CFAP299: variants seen among roughly 807,000 people sequenced by gnomAD.
CFAP299 encodes the protein cilia- and flagella-associated protein 299.
A neutral mutation model predicts 27.0 loss-of-function variants in CFAP299; 21 were observed. The observed-to-expected ratio is 0.78, with a 90% confidence interval of 0.55 to 1.12. The LOEUF is 1.12. Ranked by LOEUF, CFAP299 falls within the 50% of genes most tolerant of loss-of-function variation. The probability of loss-of-function intolerance (pLI) is 0.00; values close to 1 mark genes in which losing one functional copy is unlikely to be tolerated. For synonymous variants in CFAP299, 104 were observed against 98.1 expected, an observed-to-expected ratio of 1.06 and a Z score of -0.36; for missense variants, 310 against 276.6, an observed-to-expected ratio of 1.12 and a Z score of -0.86.
At chr4:80,860,981 A>C (rs1213597945) in intron 3 of CFAP299, among the ~76,000 whole-genome samples, 1 of 152,194 alleles carries the variant, frequency 6.6e-6, no homozygotes, top group African/African-American at 2.4e-5. Flanking sequence ...GGTTACTGCT[A>C]TCTTTTTGTT....
At chr4:80,609,751 T>C (rs971043831) in intron 3 of CFAP299, among the ~76,000 whole-genome samples, 4 of 152,092 alleles carry the variant, frequency 2.6e-5, no homozygotes, top group African/African-American at 7.2e-5. Context: ...GGTAGTTCTC[T>C]AGTAATACAT....
chr4:80,551,232 T>C (rs1734497506), intron 2 of CFAP299, among the ~76,000 whole-genome samples: 1 of 152,220 alleles, frequency 6.6e-6, no homozygotes, highest in Non-Finnish European at 1.5e-5. Flanking sequence ...CAATAAAATA[T>C]GCCATATTAG....
At chr4:80,479,998 T>A (rs751756575) in intron 2 of CFAP299, among the ~76,000 whole-genome samples, 5 of 152,024 alleles carry the variant, frequency 3.3e-5, no homozygotes, top group East Asian at 1.9e-4. Context: ...AAGTTTTTTT[T>A]AAATAGTTAT....
chr4:80,907,997 A>G (rs1735269276), intron 4 of CFAP299, among the ~76,000 whole-genome samples: 1 of 152,188 alleles, frequency 6.6e-6, no homozygotes. Context: ...TTGCATGCAG[A>G]GTTTCACTGT....
intron 3 of CFAP299, among the ~76,000 whole-genome samples, chr4:80,687,851 C>G (rs1720317045): frequency 6.6e-6 from 1 of 152,200 alleles, no homozygotes; most frequent in South Asian, 2.1e-4. Context: ...CAAGCCGAAG[C>G]AGGGCGAGGC....
intron 4 of CFAP299, among the ~76,000 whole-genome samples, chr4:80,913,336 G>T (rs1039612962): frequency 2.6e-5 from 4 of 152,170 alleles, no homozygotes; most frequent in African/African-American, 9.7e-5. Context: ...GTGGGCTGAG[G>T]AATTGTGAAT....
intron 5 of CFAP299, among the ~76,000 whole-genome samples, chr4:80,951,579 C>G (rs775096089): frequency 3.3e-5 from 5 of 152,134 alleles, no homozygotes; most frequent in Non-Finnish European, 7.3e-5. Flanking sequence ...TTTCCTCTTC[C>G]TCTCTCTTTC....
chr4:80,701,255 T>C (rs766439724), intron 3 of CFAP299, among the ~76,000 whole-genome samples: 18 of 152,124 alleles, frequency 1.2e-4, no homozygotes, highest in East Asian at 3.9e-4. Flanking sequence ...AAGGAAGATA[T>C]TGAGTAAGAG....
In CFAP299 at chr4:80,394,010, T is replaced by G. The variant is rs185907252; in HGVS notation, c.242+31126T>G. Among the ~76,000 whole-genome samples, 3 of 152,250 alleles carry G rather than the reference T, an allele frequency of 2.0e-5. No homozygotes were observed. The East Asian group carries it at 5.8e-4, about 29-fold the overall frequency. On this transcript the variant is annotated intron_variant, in intron 2 of 5. Coordinates refer to ENST00000358105, the MANE Select transcript of CFAP299 (RefSeq NM_152770.3). ...AGATAGTGAGTGAGTTCTCATGAGA[T>G]CTGATGGTTTCATAAGTGTTTGACA... is the stretch of plus-strand genomic sequence containing the variant.
chr4:80,608,605 A>C (rs760677628), intron 3 of CFAP299, among the ~76,000 whole-genome samples: 6 of 152,150 alleles, frequency 3.9e-5, no homozygotes, highest in Non-Finnish European at 8.8e-5. Flanking sequence ...AAAAAAGCGC[A>C]TTGTAGATTT....
Position 80,925,136 on chromosome 4 carries a change from A to G in CFAP299, c.477-19674A>G, listed in dbSNP as rs73829201. Among the ~76,000 whole-genome samples the G allele has an allele frequency of 3.1e-3, 467 of 151,944 alleles. 1 individual carries two copies. Among genetic ancestry groups the G allele is most frequent in the African/African-American group, 0.011 (438 of 41,486 alleles). On this transcript the variant is annotated intron_variant, in intron 4 of 5. Transcript: ENST00000358105. ...TTCTCTCATTGCTCTTAAGCTTACTATGTCCCTCAATATGTGCCAGTAACC... is the reference window on the plus strand; with the variant it reads ...TTCTCTCATTGCTCTTAAGCTTACTGTGTCCCTCAATATGTGCCAGTAACC...
intron 3 of CFAP299, among the ~76,000 whole-genome samples, chr4:80,841,109 G>A (rs1380730613): frequency 1.3e-5 from 2 of 152,068 alleles, no homozygotes; most frequent in Non-Finnish European, 2.9e-5. Flanking sequence ...TCATCCATGT[G>A]CCCAACACAC....
rs538367276 is a variant in CFAP299 at position 80,425,116 on chromosome 4, A to G, written c.242+62232A>G. Among the ~76,000 whole-genome samples the G allele has an allele frequency of 4.6e-4, 70 of 152,318 alleles. 1 individual carries two copies. Among genetic ancestry groups the G allele is most frequent in the African/African-American group, 1.6e-3 (68 of 41,578 alleles). ...GTGTCCCCCAAAAAGCGTGTGTTATAAATTTAATCCCCAATGCAACAGTGT... is the reference window on the plus strand; with the variant it reads ...GTGTCCCCCAAAAAGCGTGTGTTATGAATTTAATCCCCAATGCAACAGTGT... On this transcript the variant is annotated intron_variant, in intron 2 of 5. Transcript: ENST00000358105.
chr4:80,931,761 CCT>C (rs1736632638), intron 4 of CFAP299, among the ~76,000 whole-genome samples: 1 of 151,956 alleles, frequency 6.6e-6, no homozygotes, highest in Admixed American at 6.6e-5. Context: ...CACACACACC[CCT>C]GGCCGTGTGA....
chr4:80,452,216 C>T (rs994632169), intron 2 of CFAP299, among the ~76,000 whole-genome samples: 1 of 151,578 alleles, frequency 6.6e-6, no homozygotes, highest in South Asian at 2.1e-4. Flanking sequence ...CCTTTACTTA[C>T]ATTAAAGGAA....
chr4:80,461,081 G>T (rs1729414579), intron 2 of CFAP299, among the ~76,000 whole-genome samples: 1 of 152,164 alleles, frequency 6.6e-6, no homozygotes, highest in South Asian at 2.1e-4. Context: ...GGTTGAAAGA[G>T]TTATTATCTA....
At chr4:80,700,773 A>T (rs1160557247) in intron 3 of CFAP299, among the ~76,000 whole-genome samples, 1 of 152,130 alleles carries the variant, frequency 6.6e-6, no homozygotes, top group Non-Finnish European at 1.5e-5. Flanking sequence ...TTACTTAAAA[A>T]TAATTTTTAA....
chr4:80,342,063 C>G (rs960119811), intron 1 of CFAP299, among the ~76,000 whole-genome samples: 8 of 152,188 alleles, frequency 5.3e-5, no homozygotes, highest in African/African-American at 1.2e-4. Flanking sequence ...AGAGGAAAGA[C>G]TCTCAGAGAT....
chr4:80,693,178 C>G (rs961061833), intron 3 of CFAP299, among the ~76,000 whole-genome samples: 3 of 152,108 alleles, frequency 2.0e-5, no homozygotes, highest in Non-Finnish European at 4.4e-5. Flanking sequence ...ACCATTTGAC[C>G]CAGCCATCCC....
Sources: gnomAD v4.1 joint callset for allele counts (sites outside exome capture counted in the v4.1 genomes callset) on GRCh38, gnomAD v4.1.1 for gene constraint, MANE v1.5 for transcripts, NCBI Gene and HGNC (gene_info 2026-07-23, HGNC 2026-07-21) for gene names.